LGR6: variants seen among roughly 807,000 people sequenced by gnomAD.
LGR6 encodes leucine rich repeat containing G protein-coupled receptor 6.
Under a neutral mutation model 69.4 loss-of-function variants are expected in LGR6, and 45 were observed. The ratio of observed to expected loss-of-function variants is 0.65; its 90% CI spans 0.51 to 0.83. The LOEUF (loss-of-function observed/expected upper bound fraction) is 0.83, where lower values mean the gene tolerates loss of function less well. Among genes scored for constraint, LGR6 ranks in the 40% least tolerant of loss-of-function variants. The pLI is 0.00. For missense variants in LGR6, 1,108 were observed against 1,246.7 expected, an observed-to-expected ratio of 0.89 and a Z score of 1.68; for synonymous variants, 538 against 555.0, an observed-to-expected ratio of 0.97 and a Z score of 0.43.
At chr1:202,312,016 A>G (rs1332906915) in intron 16 of LGR6, among the ~76,000 whole-genome samples, 4 of 152,130 alleles carry the variant, frequency 2.6e-5, no homozygotes, top group African/African-American at 9.7e-5. Flanking sequence ...TCTGCTGTAC[A>G]CTCCCTCAGG....
chr1:202,259,938 A>G (rs552180506), intron 4 of LGR6, among the ~76,000 whole-genome samples: 4 of 152,368 alleles, frequency 2.6e-5, no homozygotes, highest in African/African-American at 4.8e-5. Flanking sequence ...CCTGTTGTCC[A>G]ATGCCTCAAA....
At chr1:202,295,256 A>G (rs947545029) in intron 6 of LGR6, among the ~76,000 whole-genome samples, 3 of 140,400 alleles carry the variant, frequency 2.1e-5, no homozygotes, top group Non-Finnish European at 4.5e-5. Context: ...CGAACCTGGG[A>G]GGCAGAGGTT....
chr1:202,217,977 C>G (rs1197486512), intron 1 of LGR6, among the ~76,000 whole-genome samples: 3 of 152,196 alleles, frequency 2.0e-5, no homozygotes, highest in Non-Finnish European at 4.4e-5. Flanking sequence ...TGCAAAAAAT[C>G]TGAGACAACT....
chr1:202,310,978 T>A (rs528597833), intron 16 of LGR6, among the ~76,000 whole-genome samples: 18 of 151,974 alleles, frequency 1.2e-4, no homozygotes, highest in Non-Finnish European at 1.0e-4. Flanking sequence ...CATCTGTGTT[T>A]CTGGAAGAGT....
At chr1:202,218,799 G>C (rs1659954558) in intron 1 of LGR6, among the ~76,000 whole-genome samples, 1 of 152,180 alleles carries the variant, frequency 6.6e-6, no homozygotes, top group African/African-American at 2.4e-5. Flanking sequence ...GTACTCTCCA[G>C]TCTGGGCACA....
At chr1:202,245,144 G>A (rs1031859504) in intron 4 of LGR6, among the ~76,000 whole-genome samples, 1 of 152,228 alleles carries the variant, frequency 6.6e-6, no homozygotes, top group Non-Finnish European at 1.5e-5. Flanking sequence ...GTGCTGTAGG[G>A]CCCAGCCGAG....
At chr1:202,260,007 G>T (rs973669734) in intron 4 of LGR6, among the ~76,000 whole-genome samples, 1 of 152,206 alleles carries the variant, frequency 6.6e-6, no homozygotes, top group Non-Finnish European at 1.5e-5. Flanking sequence ...CTGCCTGGAA[G>T]TAAAAGCCAA....
chr1:202,208,104 T>C (rs1659323571), intron 1 of LGR6, among the ~76,000 whole-genome samples: 1 of 151,708 alleles, frequency 6.6e-6, no homozygotes, highest in South Asian at 2.1e-4. Context: ...GAGTGAGGAG[T>C]TGCATGAGTC....
intron 7 of LGR6, among the ~76,000 whole-genome samples, chr1:202,300,490 CA>C (rs1306746770): frequency 1.3e-5 from 2 of 151,664 alleles, no homozygotes; most frequent in Non-Finnish European, 2.9e-5. Context: ...CTTGTCTCTA[CA>C]AAAAAATCAA....
chr1:202,315,463 A>G (rs1354430797), intron 17 of LGR6, among the ~76,000 whole-genome samples: 1 of 152,262 alleles, frequency 6.6e-6, no homozygotes, highest in African/African-American at 2.4e-5. Context: ...AAGAAAGCAA[A>G]AAAGAAAATT....
rs1653119482 is a variant in LGR6 at position 202,305,749 on chromosome 1, T to A, written c.1136T>A (p.Ile379Asn). 2 of 1,613,976 alleles carry A rather than the reference T, an allele frequency of 1.2e-6. No homozygotes were observed. Among genetic ancestry groups the A allele is most frequent in the South Asian group, 2.2e-5 (2 of 91,058 alleles). ...CACAGGTGTCAGAAATTGGAGGAAA[T>A]GTGAGTCTGGGGTAGGGAAGAGGCA... ...SLHRCQKLEEIGLQHNRIWEI... is the reference protein window; with the variant it reads ...SLHRCQKLEENGLQHNRIWEI... Residue 379 changes from isoleucine (I) to asparagine (N), a missense_variant and splice_region_variant, in exon 12 of 18, where the codon ATC becomes AAC. By Grantham distance (149) the Ile-to-Asn change is moderately radical. Transcript: ENST00000367278.
chr1:202,225,353 G>C, intron 1 of LGR6, 70 bp from the exon 2 acceptor site: 1 of 1,427,202 alleles, frequency 7.0e-7, no homozygotes. Flanking sequence ...GAGGGGGGTT[G>C]GCACCTGGAC....
chr1:202,254,302 A>G (rs960364628), intron 4 of LGR6, among the ~76,000 whole-genome samples: 2 of 152,076 alleles, frequency 1.3e-5, no homozygotes, highest in African/African-American at 2.4e-5. Flanking sequence ...ATCATTTTCC[A>G]CCAGGGTGGG....
intron 4 of LGR6, among the ~76,000 whole-genome samples, chr1:202,263,094 C>G (rs1409980340): frequency 6.6e-6 from 1 of 151,632 alleles, no homozygotes; most frequent in Non-Finnish European, 1.5e-5. Context: ...TCTACTACAC[C>G]CTCAATAAAT....
chr1:202,203,649 G>T, intron 1 of LGR6: 1 of 639,924 alleles, frequency 1.6e-6, no homozygotes. Context: ...GATAAGACAA[G>T]CGCAAATAAC....
chr1:202,304,459 C>T (rs1340108278), intron 10 of LGR6, 100 bp from the exon 11 acceptor site: 1 of 743,210 alleles, frequency 1.3e-6, no homozygotes, highest in Non-Finnish European at 2.1e-6. Context: ...TTGTTAGCTC[C>T]GTCATCCCAC....
chr1:202,281,039 C>T lies in LGR6; in HGVS notation c.716+187C>T, dbSNP rs1665966128. ...GAATATCACTGAGAATGAATTTCTT[C>T]CTCCTTCAGGTGGTCAGAATGTGCC... On this transcript the variant is annotated intron_variant, in intron 6 of 17. Coordinates refer to ENST00000367278, the MANE Select transcript of LGR6 (RefSeq NM_001017403.2). 4 of 584,040 alleles carry T rather than the reference C, an allele frequency of 6.8e-6. No individual in the cohort carries two copies. In the East Asian group the frequency reaches 9.1e-5, roughly 13 times the overall value. The allele number at this position is 584,040 out of a possible 1,614,324, so 36.2% of individuals were successfully genotyped here.
intron 1 of LGR6, among the ~76,000 whole-genome samples, chr1:202,196,052 C>A (rs1362472755): frequency 1.3e-5 from 2 of 152,034 alleles, no homozygotes; most frequent in Non-Finnish European, 2.9e-5. Flanking sequence ...ATTGAGAAAG[C>A]CCCTCTCTCT....
At chr1:202,214,159 G>T (rs374899792) in intron 1 of LGR6, 15 of 1,516,960 alleles carry the variant, frequency 9.9e-6, no homozygotes, top group Non-Finnish European at 1.3e-5. Flanking sequence ...GCCGGAATGC[G>T]CTTGGAGGGA....
Sources: gnomAD v4.1 joint callset for allele counts (sites outside exome capture counted in the v4.1 genomes callset) on GRCh38, gnomAD v4.1.1 for gene constraint, MANE v1.5 for transcripts, NCBI Gene and HGNC (gene_info 2026-07-23, HGNC 2026-07-21) for gene names.